The following SLC11A2 variants were observed in gnomAD, a reference collection of about 807,000 sequenced individuals.
SLC11A2 encodes solute carrier family 11 member 2, also known as natural resistance-associated macrophage protein 2.
A neutral mutation model predicts 68.0 loss-of-function variants in SLC11A2; 38 were observed. That is an observed-to-expected ratio of 0.56 (90% CI 0.43 to 0.73). The LOEUF (loss-of-function observed/expected upper bound fraction) is 0.73, where lower values mean the gene tolerates loss of function less well. Among genes scored for constraint, SLC11A2 ranks in the 30% least tolerant of loss-of-function variants. The probability of loss-of-function intolerance (pLI) is 0.00; values close to 1 mark genes in which losing one functional copy is unlikely to be tolerated. For missense variants in SLC11A2, 517 were observed against 690.5 expected, an observed-to-expected ratio of 0.75 and a Z score of 2.82; for synonymous variants, 242 against 250.6, an observed-to-expected ratio of 0.97 and a Z score of 0.32.
the SLC11A2 span, among the ~76,000 whole-genome samples, chr12:50,956,622 G>C: frequency 6.6e-6 from 1 of 152,138 alleles, no homozygotes; most frequent in Non-Finnish European, 1.5e-5. Flanking sequence ...TCTATTTAAA[G>C]TATGTGTTGA....
chr12:51,015,079 G>T (rs375645011), intron 1 of SLC11A2, among the ~76,000 whole-genome samples: 1 of 151,304 alleles, frequency 6.6e-6, no homozygotes, highest in South Asian at 2.1e-4. Flanking sequence ...AGAATCGCTT[G>T]AACCCGGGAG....
intron 3 of SLC11A2, chr12:51,005,678 C>A: frequency 7.5e-7 from 1 of 1,338,340 alleles, no homozygotes; most frequent in Non-Finnish European, 9.8e-7. Flanking sequence ...GCCTCTTATT[C>A]TAAAACCAGA....
chr12:51,016,550 C>T (rs1592434691), intron 1 of SLC11A2, among the ~76,000 whole-genome samples: 1 of 151,966 alleles, frequency 6.6e-6, no homozygotes, highest in East Asian at 1.9e-4. Flanking sequence ...AGTGTAGTGG[C>T]GCATGCCTGT....
chr12:50,954,112 G>C, the SLC11A2 span: 4 of 1,427,742 alleles, frequency 2.8e-6, no homozygotes, highest in Non-Finnish European at 3.9e-6. Context: ...AGCCTTGACT[G>C]GATGCAGAAA....
chr12:50,995,985 T>C (rs1941666924), intron 9 of SLC11A2, among the ~76,000 whole-genome samples, 198 bp from the exon 10 acceptor site: 1 of 152,182 alleles, frequency 6.6e-6, no homozygotes, highest in African/African-American at 2.4e-5. Flanking sequence ...AAGAACTTCA[T>C]GCCCTTTCGT....
At chr12:50,982,989 T>A (rs539790915), downstream of SLC11A2, among the ~76,000 whole-genome samples, 53 of 150,548 alleles carry the variant, frequency 3.5e-4, no homozygotes, top group African/African-American at 1.2e-3. Context: ...CCTAAAGAAC[T>A]GAGTCTAGAT....
At chr12:51,024,103 G>GT (rs1007807881) in intron 1 of SLC11A2, among the ~76,000 whole-genome samples, 2 of 152,038 alleles carry the variant, frequency 1.3e-5, no homozygotes, top group African/African-American at 2.4e-5. Flanking sequence ...AGTAAGCAAT[G>GT]TTTTTTTTCA....
At chr12:50,960,846 C>T in the SLC11A2 span, 1 of 777,468 alleles carries the variant, frequency 1.3e-6, no homozygotes, top group East Asian at 2.9e-5. Flanking sequence ...CCATGTGTGG[C>T]TAATTTTTTT....
At chr12:50,971,683 T>G in the SLC11A2 span, among the ~76,000 whole-genome samples, 1 of 152,020 alleles carries the variant, frequency 6.6e-6, no homozygotes. Flanking sequence ...TCCCAAAGAC[T>G]CCAAGCCTAG....
At position 50,986,013 on chromosome 12, in the gene SLC11A2, T is replaced by C; in HGVS notation, c.*2312A>G. On this transcript the variant is annotated 3_prime_UTR_variant, in exon 16 of 16. Coordinates refer to ENST00000262052, the MANE Select transcript of SLC11A2 (RefSeq NM_000617.3). The stretch of plus-strand genomic sequence containing the variant: ...CAAATTGGAAAAAGAAATTTTTTTT[T>C]AATTAGAAACCAAGTTTACATACGG... 5 of 1,159,880 alleles carry C rather than the reference T, an allele frequency of 4.3e-6. No homozygotes were observed. Among genetic ancestry groups the C allele is most frequent in the Non-Finnish European group, 5.4e-6 (5 of 926,222 alleles). 71.8% of individuals were successfully genotyped at this position (1,159,880 alleles called of 1,614,324 possible).
At chr12:50,989,227 T>C (rs1428104566) in intron 15 of SLC11A2, among the ~76,000 whole-genome samples, 6 of 152,204 alleles carry the variant, frequency 3.9e-5, no homozygotes, top group African/African-American at 1.4e-4. Flanking sequence ...CGGTGGCTCA[T>C]GCCTGTAATC....
At chr12:50,963,288 C>G in the SLC11A2 span, among the ~76,000 whole-genome samples, 1 of 144,062 alleles carries the variant, frequency 6.9e-6, no homozygotes. Context: ...GAGAATTGCT[C>G]GAACCTGGGA....
intron 9 of SLC11A2, among the ~76,000 whole-genome samples, chr12:50,996,536 A>G (rs904802149): frequency 4.0e-5 from 6 of 151,550 alleles, no homozygotes; most frequent in Non-Finnish European, 8.8e-5. Flanking sequence ...AGATCACGCC[A>G]CTGCACTCCA....
chr12:50,999,868 C>T (rs1942050765), intron 6 of SLC11A2, among the ~76,000 whole-genome samples: 1 of 152,082 alleles, frequency 6.6e-6, no homozygotes, highest in South Asian at 2.1e-4. Context: ...ATTAGCTGGA[C>T]ATGGTGGCAG....
At position 50,987,584 on chromosome 12, in the gene SLC11A2, A is replaced by G; in HGVS notation, c.*741T>C. The G allele has an allele frequency of 7.8e-7, 1 of 1,287,212 alleles. No individual in the cohort carries two copies. The highest frequency in any genetic ancestry group is 1.0e-6 in the Non-Finnish European group (1 of 988,658). The allele number at this position is 1,287,212 out of a possible 1,614,324, so 79.7% of individuals were successfully genotyped here. A position where few individuals can be genotyped will look rare whatever the true frequency, so the allele number is the denominator to read the frequency against. ...TCAGGAAAGCTCTGTACTAACAGGCAGGTTATTAAGACTCCCAAGAAATCC... is the reference window on the plus strand; with the variant it reads ...TCAGGAAAGCTCTGTACTAACAGGCGGGTTATTAAGACTCCCAAGAAATCC... On this transcript the variant is annotated 3_prime_UTR_variant, in exon 16 of 16. Transcript: ENST00000262052.
Position 50,987,185 on chromosome 12 carries a change from A to G in SLC11A2, c.*1140T>C. The stretch of plus-strand genomic sequence containing the variant: ...TCAAGATTTTTCCCTCTGAGGAAAC[A>G]GCTGTAGAGAGGTAGCCCAGTTCAA... On this transcript the variant is annotated 3_prime_UTR_variant, in exon 16 of 16. Coordinates refer to ENST00000262052, the MANE Select transcript of SLC11A2 (RefSeq NM_000617.3). 2 of 1,285,268 alleles carry G rather than the reference A, an allele frequency of 1.6e-6. No homozygotes were observed. The highest frequency in any genetic ancestry group is 2.0e-6 in the Non-Finnish European group (2 of 987,374). The allele number at this position is 1,285,268 out of a possible 1,614,324, so 79.6% of individuals were successfully genotyped here. A position where few individuals can be genotyped will look rare whatever the true frequency, so the allele number is the denominator to read the frequency against.
In SLC11A2 at chr12:51,005,297, G is replaced by A. The variant is rs1340910645; in HGVS notation, c.309+14C>T. 1 of 1,613,508 alleles carries A rather than the reference G, an allele frequency of 6.2e-7. No homozygotes were observed. The highest frequency in any genetic ancestry group is 1.1e-5 in the South Asian group (1 of 91,014). On this transcript the variant is annotated intron_variant, in intron 4 of 15. Coordinates refer to ENST00000262052, the MANE Select transcript of SLC11A2 (RefSeq NM_000617.3). ...TATGTGCTTAAAAGGACAGGGGTAG[G>A]ACTAGATGTTCACCTTAAATCCAGC... is the stretch of plus-strand genomic sequence containing the variant.
the SLC11A2 span, among the ~76,000 whole-genome samples, chr12:50,961,876 A>G: frequency 6.6e-6 from 1 of 152,210 alleles, no homozygotes; most frequent in East Asian, 1.9e-4. Context: ...TAATCTTATT[A>G]CTGTGAGCTG....
At chr12:50,970,872 T>C in the SLC11A2 span, among the ~76,000 whole-genome samples, 1 of 105,884 alleles carries the variant, frequency 9.4e-6, no homozygotes, top group South Asian at 4.1e-4. Context: ...TTCTCTTTTC[T>C]TTATTTTATT....
Sources: gnomAD v4.1 joint callset for allele counts (sites outside exome capture counted in the v4.1 genomes callset) on GRCh38, gnomAD v4.1.1 for gene constraint, MANE v1.5 for transcripts, NCBI Gene and HGNC (gene_info 2026-07-23, HGNC 2026-07-21) for gene names.